TRIM33: variants seen among roughly 807,000 people sequenced by gnomAD.
TRIM33 encodes the protein E3 ubiquitin-protein ligase TRIM33.
A neutral mutation model predicts 125.4 loss-of-function variants in TRIM33; 20 were observed. The observed-to-expected ratio is 0.16, with a 90% CI of 0.11 to 0.23. TRIM33 has a LOEUF of 0.23. TRIM33 is among the 10% of genes least tolerant of loss of function. The pLI is 1.00. For missense variants in TRIM33, 920 were observed against 1,411.4 expected, an observed-to-expected ratio of 0.65 and a Z score of 5.58; for synonymous variants, 564 against 513.9, an observed-to-expected ratio of 1.10 and a Z score of -1.32.
At chr1:114,402,016 G>A (rs541009955) in intron 16 of TRIM33, among the ~76,000 whole-genome samples, 32 of 152,208 alleles carry the variant, frequency 2.1e-4, no homozygotes, top group South Asian at 6.2e-4. Flanking sequence ...CCCTAAACAC[G>A]TATCTTGTCT....
At chr1:114,488,872 A>T (rs548092092) in intron 1 of TRIM33, among the ~76,000 whole-genome samples, 1 of 152,262 alleles carries the variant, frequency 6.6e-6, no homozygotes, top group East Asian at 1.9e-4. Context: ...TACAAAAAAT[A>T]AAAAAATTGC....
chr1:114,474,083 TAG>T (rs139122735), intron 1 of TRIM33, among the ~76,000 whole-genome samples: 4,901 of 152,058 alleles, frequency 0.032, 246 homozygotes, highest in African/African-American at 0.11. Flanking sequence ...AAATTTTTTG[TAG>T]AGATAGGGTC....
rs746877490 is a variant in TRIM33 at position 114,510,930 on chromosome 1, T to TTCC, written c.144_146dup (p.Glu49dup). ...CGCCCTCAGCGCCGGCCCTGCCGCCTTCCTCCTCCTCCTCCTCCACCAGCA... is the reference window on the plus strand; with the variant it reads ...CGCCCTCAGCGCCGGCCCTGCCGCCTTCCTCCTCCTCCTCCTCCTCCACCAGCA... On this transcript the variant is annotated inframe_insertion, in exon 1 of 20. Transcript: ENST00000358465. 97 of 1,414,664 alleles carry TTCC rather than the reference T, an allele frequency of 6.9e-5. No homozygotes were observed. Among genetic ancestry groups the TTCC allele is most frequent in the African/African-American group, 2.0e-4 (13 of 65,708 alleles). The allele number at this position is 1,414,664 out of a possible 1,614,324, so 87.6% of individuals were successfully genotyped here.
chr1:114,507,657 CA>C (rs1349171841), intron 1 of TRIM33, among the ~76,000 whole-genome samples: 2 of 152,164 alleles, frequency 1.3e-5, no homozygotes, highest in Non-Finnish European at 2.9e-5. Context: ...AACTGAAGGA[CA>C]AAAACAGTAT....
At chr1:114,439,742 T>C (rs1648540312) in intron 4 of TRIM33, among the ~76,000 whole-genome samples, 1 of 152,076 alleles carries the variant, frequency 6.6e-6, no homozygotes, top group Admixed American at 6.6e-5. Flanking sequence ...CACTAAGGTA[T>C]ATAATTTCCA....
chr1:114,472,500 A>G (rs905472854), intron 1 of TRIM33, among the ~76,000 whole-genome samples: 3 of 152,236 alleles, frequency 2.0e-5, no homozygotes, highest in Non-Finnish European at 4.4e-5. Flanking sequence ...TGGGAGCCAG[A>G]GGCGGGCAGA....
chr1:114,406,913 TC>T (rs770302869), intron 14 of TRIM33, 27 bp downstream of exon 14: 1 of 1,608,798 alleles, frequency 6.2e-7, no homozygotes, highest in Non-Finnish European at 8.5e-7. Context: ...TGTCCTTAAG[TC>T]CCTGTCAGAC....
chr1:114,483,986 T>C (rs36032169), intron 1 of TRIM33, among the ~76,000 whole-genome samples: 3,738 of 152,238 alleles, frequency 0.025, 145 homozygotes, highest in African/African-American at 0.085. Context: ...AAGTGGAGGT[T>C]TGGAAACTAC....
At chr1:114,421,177 T>C (rs1447623432) in intron 11 of TRIM33, among the ~76,000 whole-genome samples, 1 of 152,118 alleles carries the variant, frequency 6.6e-6, no homozygotes, top group Non-Finnish European at 1.5e-5. Context: ...TCTAAAAATG[T>C]CCATCTCATA....
intron 4 of TRIM33, 53 bp from the exon 5 acceptor site, chr1:114,433,786 T>C (rs1648113945): frequency 4.2e-6 from 5 of 1,196,106 alleles, no homozygotes; most frequent in South Asian, 3.9e-5. Context: ...GATTAAGATT[T>C]TGGAAATAAA....
intron 11 of TRIM33, among the ~76,000 whole-genome samples, chr1:114,413,558 C>CAAA (rs34268626): frequency 0.048 from 1,950 of 40,264 alleles, 45 homozygotes; most frequent in Middle Eastern, 0.094. Flanking sequence ...AACTCCATCT[C>CAAA]AAAAAAAAAA....
At chr1:114,501,113 C>A (rs2101569614) in intron 1 of TRIM33, among the ~76,000 whole-genome samples, 1 of 118,622 alleles carries the variant, frequency 8.4e-6, no homozygotes, top group East Asian at 2.0e-4. Flanking sequence ...TGGCGTGAAC[C>A]CGGGAGGCGG....
At chr1:114,446,967 G>T (rs1335174637) in intron 4 of TRIM33, among the ~76,000 whole-genome samples, 1 of 152,312 alleles carries the variant, frequency 6.6e-6, no homozygotes, top group South Asian at 2.1e-4. Flanking sequence ...CTTAAACCCA[G>T]AAGGTTGAAA....
intron 1 of TRIM33, among the ~76,000 whole-genome samples, chr1:114,489,348 A>C (rs1021197808): frequency 2.0e-5 from 3 of 152,228 alleles, no homozygotes; most frequent in African/African-American, 7.2e-5. Context: ...TCTTAAAAGA[A>C]AACATAAGAA....
chr1:114,431,830 G>A (rs770385088), intron 5 of TRIM33, among the ~76,000 whole-genome samples: 8 of 152,154 alleles, frequency 5.3e-5, no homozygotes, highest in Non-Finnish European at 1.0e-4. Flanking sequence ...TTACTAAGGT[G>A]AGTGGAAGAT....
chr1:114,398,077 A>C, intron 18 of TRIM33, 87 bp from the exon 19 acceptor site: 1 of 1,407,084 alleles, frequency 7.1e-7, no homozygotes, highest in Non-Finnish European at 9.7e-7. Context: ...GGCGACGAAA[A>C]GTCAGCCATA....
Position 114,510,961 on chromosome 1 carries a change from G to C in TRIM33, c.116C>G (p.Thr39Ser). The change falls in exon 1 of 20, where the codon ACC becomes AGC. Residue 39 changes from threonine to serine, a missense_variant. Around this residue, in one of 8 missense-constraint regions of TRIM33, gnomAD observed 233 missense variants for 189.6 expected, o/e 1.23. Transcript: ENST00000358465. ...PAAQEAEPPLTAVLVEEEEEE... is the reference protein window; with the variant it reads ...PAAQEAEPPLSAVLVEEEEEE... ...CTCCTCCTCCTCCACCAGCACCGCG[G>C]TGAGAGGCGGCTCCGCCTCCTGCGC... The C allele has an allele frequency of 2.2e-6, 3 of 1,386,200 alleles. No homozygotes were observed. Among genetic ancestry groups the C allele is most frequent in the Non-Finnish European group, 2.8e-6 (3 of 1,070,446 alleles). The allele number at this position is 1,386,200 out of a possible 1,614,324, so 85.9% of individuals were successfully genotyped here.
Position 114,464,282 on chromosome 1 carries a change from T to C in TRIM33, c.633A>G (p.Glu211=). The change falls in exon 2 of 20, where the codon GAA becomes GAG. Residue 211 remains glutamate (E), a synonymous_variant. Coordinates refer to ENST00000358465, the MANE Select transcript of TRIM33 (RefSeq NM_015906.4). ...TTGAGAAGCATACCTGTTCTGATTTTTCATCAGAACTGCTAGGAGCTTCAG... is the reference window on the plus strand; with the variant it reads ...TTGAGAAGCATACCTGTTCTGATTTCTCATCAGAACTGCTAGGAGCTTCAG... ...DTSEAPSSSD[E]KSEQVCTSCE... The C allele has an allele frequency of 6.4e-7, 1 of 1,573,592 alleles. No individual in the cohort carries two copies. Among genetic ancestry groups the C allele is most frequent in the Non-Finnish European group, 8.7e-7 (1 of 1,155,258 alleles).
chr1:114,413,523 A>G (rs996112335), intron 11 of TRIM33, among the ~76,000 whole-genome samples: 7 of 149,032 alleles, frequency 4.7e-5, no homozygotes, highest in Non-Finnish European at 1.0e-4. Flanking sequence ...GTGCTATTGC[A>G]CATCAGCCTG....
Sources: gnomAD v4.1 joint callset for allele counts (sites outside exome capture counted in the v4.1 genomes callset) on GRCh38, gnomAD v4.1.1 for gene constraint, gnomAD v4.1.1 regional missense constraint, MANE v1.5 for transcripts, NCBI Gene and HGNC (gene_info 2026-07-23, HGNC 2026-07-21) for gene names.